Variants in DNTT observed in about 807,000 individuals in gnomAD.
DNTT encodes nucleosidetriphosphate:DNA deoxynucleotidylexotransferase.
In DNTT, 47 loss-of-function variants were observed where a neutral mutation model predicts 60.9. That is an observed-to-expected ratio of 0.77 (90% confidence interval 0.61 to 0.98). DNTT has a LOEUF of 0.98. Ranked by LOEUF, DNTT falls within the 50% of genes least tolerant of loss-of-function variation. The pLI is 0.00. For synonymous variants in DNTT, 224 were observed against 221.2 expected (o/e 1.01, Z -0.11); for missense variants, 665 against 627.5 (o/e 1.06, Z -0.64).
At chr10:96,322,436 T>C (rs1387353055) in intron 4 of DNTT, among the ~76,000 whole-genome samples, 1 of 152,212 alleles carries the variant, frequency 6.6e-6, no homozygotes, top group East Asian at 1.9e-4. Context: ...TGTATCTTTG[T>C]TCCTAAGGAT....
In DNTT at chr10:96,320,777, G is replaced by A. The variant is rs1844859704; in HGVS notation, c.667G>A (p.Gly223Ser). ...GIPCLGSKVK[G>S]IIEEIIEDGE... is the part of the protein sequence containing the mutation. ...TCCCTGCCTGGGGTCCAAGGTGAAG[G>A]GTATCATAGAGGTAAGGGTGAAATG... The change falls in exon 4 of 11, where the codon GGT (glycine) becomes AGT (serine). Residue 223 changes from glycine to serine, a missense_variant. Coordinates refer to ENST00000371174, the MANE Select transcript of DNTT (RefSeq NM_004088.4). The A allele has an allele frequency of 6.2e-7, 1 of 1,613,462 alleles. No individual in the cohort carries two copies.
At chr10:96,329,304 G>C (rs942835687) in intron 8 of DNTT, among the ~76,000 whole-genome samples, 1 of 152,244 alleles carries the variant, frequency 6.6e-6, no homozygotes, top group South Asian at 2.1e-4. Context: ...GGCAAGCTGA[G>C]CCCTGCAGAG....
Position 96,319,281 on chromosome 10 carries a change from A to C in DNTT, c.398A>C (p.Asp133Ala). ...HQLVVRRDYS[D>A]STNPGPPKTP... ...GTTTAGGTGAGAAGAGACTATTCAG[A>C]TAGCACCAACCCAGGCCCCCCGAAG... Residue 133 changes from aspartate to alanine, a missense_variant, in exon 3 of 11, where the codon GAT becomes GCT. Coordinates refer to ENST00000371174, the MANE Select transcript of DNTT (RefSeq NM_004088.4). 1 of 1,613,792 alleles carries C rather than the reference A, an allele frequency of 6.2e-7. No homozygotes were observed. The highest frequency in any genetic ancestry group is 8.5e-7 in the Non-Finnish European group (1 of 1,179,764).
At chr10:96,311,552 T>C (rs184450793) in intron 1 of DNTT, among the ~76,000 whole-genome samples, 60 of 152,360 alleles carry the variant, frequency 3.9e-4, no homozygotes, top group African/African-American at 1.3e-3. Flanking sequence ...AACCCAGGGC[T>C]TTTCAGACAT....
intron 10 of DNTT, among the ~76,000 whole-genome samples, chr10:96,336,801 G>A (rs989399283): frequency 1.3e-5 from 2 of 151,902 alleles, no homozygotes; most frequent in African/African-American, 4.8e-5. Flanking sequence ...AAATAACCAG[G>A]TGTGGCGGCT....
intron 1 of DNTT, among the ~76,000 whole-genome samples, chr10:96,316,354 T>C (rs1844784961): frequency 6.6e-6 from 1 of 152,158 alleles, no homozygotes; most frequent in African/African-American, 2.4e-5. Context: ...TTCATCTTCC[T>C]AAGTAGTTCC....
At chr10:96,326,531 C>T (rs1427464285) in intron 6 of DNTT, among the ~76,000 whole-genome samples, 1 of 152,152 alleles carries the variant, frequency 6.6e-6, no homozygotes, top group Non-Finnish European at 1.5e-5. Flanking sequence ...CTGCTGCCTC[C>T]CTTCCACAAT....
chr10:96,329,901 G>C (rs894860570), intron 8 of DNTT, among the ~76,000 whole-genome samples: 4 of 152,174 alleles, frequency 2.6e-5, no homozygotes, highest in African/African-American at 9.7e-5. Context: ...CTGCCCCACA[G>C]CTCTCTTCCT....
intron 1 of DNTT, among the ~76,000 whole-genome samples, chr10:96,313,467 C>T (rs1379375576): frequency 6.6e-6 from 1 of 152,116 alleles, no homozygotes; most frequent in Non-Finnish European, 1.5e-5. Context: ...AACACACAAA[C>T]AAAGCTCCCC....
intron 6 of DNTT, among the ~76,000 whole-genome samples, chr10:96,326,324 T>TAAAAATA (rs1361437881): frequency 6.6e-6 from 1 of 152,176 alleles, no homozygotes; most frequent in African/African-American, 2.4e-5. Flanking sequence ...GGCTTTTTAA[T>TAAAAATA]AAAAATAAAA....
chr10:96,305,910 T>C (rs1276056048), intron 1 of DNTT, among the ~76,000 whole-genome samples: 1 of 152,172 alleles, frequency 6.6e-6, no homozygotes, highest in Non-Finnish European at 1.5e-5. Flanking sequence ...GGTCTCCTTT[T>C]CTCTCTTGCT....
chr10:96,332,628 T>C (rs1845021172), intron 9 of DNTT, 32 bp downstream of exon 9: 1 of 1,604,856 alleles, frequency 6.2e-7, no homozygotes, highest in Non-Finnish European at 8.5e-7. Flanking sequence ...GGGATGATGT[T>C]AGCTTTCTGA....
chr10:96,320,634 T>C lies in DNTT; in HGVS notation c.524T>C (p.Leu175Pro). 6.2e-7 allele frequency: 1 copy of C among 1,613,742 alleles called. No homozygotes were observed. The highest frequency in any genetic ancestry group is 8.5e-7 in the Non-Finnish European group (1 of 1,179,736). ...NQIFTDAFDI[L>P]AENCEFRENE... is the part of the protein sequence containing the mutation. ...ATCCTGCAGGATGCCTTTGATATAC[T>C]GGCTGAAAACTGTGAGTTTAGAGAA... Residue 175 changes from leucine (L) to proline (P), a missense_variant, in exon 4 of 11, where the codon CTG (leucine) becomes CCG (proline). Leu to Pro is a moderately conservative substitution (Grantham distance 98). Transcript: ENST00000371174.
chr10:96,316,606 A>C (rs1379867523), intron 1 of DNTT, among the ~76,000 whole-genome samples: 1 of 152,118 alleles, frequency 6.6e-6, no homozygotes, highest in Non-Finnish European at 1.5e-5. Context: ...ACTCCAACCC[A>C]GGCCATTCTC....
intron 1 of DNTT, among the ~76,000 whole-genome samples, chr10:96,307,166 C>T (rs915908105): frequency 1.3e-5 from 2 of 152,084 alleles, no homozygotes; most frequent in Admixed American, 1.3e-4. Context: ...GATCCATTGA[C>T]CTTTACAGCA....
At chr10:96,308,623 C>A (rs544022382) in intron 1 of DNTT, among the ~76,000 whole-genome samples, 3 of 152,310 alleles carry the variant, frequency 2.0e-5, no homozygotes, top group Admixed American at 2.0e-4. Flanking sequence ...GACCACCAAA[C>A]AGGCATTGTG....
At chr10:96,313,847 G>A (rs1417272778) in intron 1 of DNTT, among the ~76,000 whole-genome samples, 1 of 152,186 alleles carries the variant, frequency 6.6e-6, no homozygotes, top group Admixed American at 6.5e-5. Context: ...AGATGGTGGC[G>A]ATGGAGCAGC....
intron 8 of DNTT, among the ~76,000 whole-genome samples, chr10:96,330,985 G>A (rs558016941): frequency 1.4e-4 from 22 of 152,166 alleles, no homozygotes; most frequent in African/African-American, 5.3e-4. Flanking sequence ...AGATTTAGTG[G>A]TTGCTAGCAT....
rs762273198 is a variant in DNTT, at chr10:96,320,676, T to C, written c.566T>C (p.Val189Ala). 2.5e-5 allele frequency: 40 copies of C among 1,613,788 alleles called. No homozygotes were observed. The highest frequency in any genetic ancestry group is 1.6e-4 in the Middle Eastern group (1 of 6,080). Residue 189 changes from valine to alanine, a missense_variant, in exon 4 of 11, where the codon GTG becomes GCG. Coordinates refer to ENST00000371174, the MANE Select transcript of DNTT (RefSeq NM_004088.4). ...TTTAGAGAAAATGAAGACTCCTGTG[T>C]GACATTTATGAGAGCAGCTTCTGTA... ...CEFRENEDSC[V>A]TFMRAASVLK...
Sources: allele counts gnomAD v4.1 joint callset (sites outside exome capture counted in the v4.1 genomes callset), GRCh38; gene constraint gnomAD v4.1.1; transcripts MANE v1.5; gene names NCBI Gene and HGNC (gene_info 2026-07-23, HGNC 2026-07-21).